Variants in NDRG4 observed in about 807,000 individuals in gnomAD.
The protein encoded by NDRG4 is NDRG family member 4.
NDRG4 carries 38 observed loss-of-function variants against 55.8 expected under a neutral mutation model. The observed-to-expected ratio is 0.68, with a 90% confidence interval of 0.53 to 0.89. NDRG4 has a LOEUF of 0.89. Among genes scored for constraint, NDRG4 ranks in the 40% least tolerant of loss-of-function variants. The pLI, the probability that NDRG4 is intolerant of heterozygous loss-of-function variation, is 0.00. For missense variants in NDRG4, 455 were observed against 468.6 expected, an observed-to-expected ratio of 0.97 and a Z score of 0.27; for synonymous variants, 190 against 182.7, an observed-to-expected ratio of 1.04 and a Z score of -0.32.
intron 2 of NDRG4, among the ~76,000 whole-genome samples, chr16:58,489,153 GC>G (rs1473006926): frequency 6.6e-6 from 1 of 151,998 alleles, no homozygotes; most frequent in Non-Finnish European, 1.5e-5. Flanking sequence ...ACAAAAATTA[GC>G]CCGGGCGTGG....
At chr16:58,498,020 C>T (rs181968817), upstream of NDRG4, among the ~76,000 whole-genome samples, 39 of 152,208 alleles carry the variant, frequency 2.6e-4, no homozygotes, top group Admixed American at 1.3e-3. Context: ...CTTAAACCCA[C>T]GTCTGTGGGT....
Position 58,511,974 on chromosome 16 carries a change from A to AGGCACTGGCGTGGG in NDRG4, c.*399_*412dup. 1 of 461,806 alleles carries AGGCACTGGCGTGGG rather than the reference A, an allele frequency of 2.2e-6. No individual in the cohort carries two copies. Among genetic ancestry groups the AGGCACTGGCGTGGG allele is most frequent in the South Asian group, 1.6e-5 (1 of 64,086 alleles). The allele number at this position is 461,806 out of a possible 1,614,324, so 28.6% of individuals were successfully genotyped here. ...GGCCACAGGGGTGCGGGGCCAGCTC[A>AGGCACTGGCGTGGG]GGCACTGGCGTGGGAGCCCTGGGAG... On this transcript the variant is annotated 3_prime_UTR_variant, in exon 15 of 15. Transcript: ENST00000570248.
rs2031092041 is a variant in NDRG4, at chr16:58,464,110, C to T, written c.-24+313C>T. The T allele has an allele frequency of 3.3e-6, 1 of 304,252 alleles. No individual in the cohort carries two copies. 18.8% of individuals were successfully genotyped at this position (304,252 alleles called of 1,614,324 possible). A position where few individuals can be genotyped will look rare whatever the true frequency, so the allele number is the denominator to read the frequency against. On this transcript the variant is annotated intron_variant, in intron 1 of 15. Transcript: ENST00000258187. This position sits in a 1 kb window ranked among gnomAD's most constrained non-coding sequence, Gnocchi z 4.8. Reference sequence around the variant, plus strand: ...GGGGTCTCTTTGTTCGGGCGGCGGGCACGGGGGACCACCTCCCACGGTGTC... The same window carrying T: ...GGGGTCTCTTTGTTCGGGCGGCGGGTACGGGGGACCACCTCCCACGGTGTC...
At chr16:58,514,237 G>A (rs963682669), downstream of NDRG4, among the ~76,000 whole-genome samples, 15 of 152,332 alleles carry the variant, frequency 9.8e-5, no homozygotes, top group African/African-American at 3.4e-4. Context: ...TACCGTGTTA[G>A]AGGAGCCTCA....
chr16:58,508,256 C>G (rs1251691663), intron 10 of NDRG4, among the ~76,000 whole-genome samples: 2 of 152,224 alleles, frequency 1.3e-5, no homozygotes, highest in African/African-American at 4.8e-5. Context: ...CCCCTCTTCC[C>G]TCCCCAGCAG....
At chr16:58,492,554 GAGAC>G (rs1555532333) in intron 2 of NDRG4, among the ~76,000 whole-genome samples, 6 of 139,744 alleles carry the variant, frequency 4.3e-5, no homozygotes, top group Non-Finnish European at 9.2e-5. Context: ...GTGTGTGTGA[GAGAC>G]AGACAGACAG....
chr16:58,498,420 C>T (rs2036650846), upstream of NDRG4, among the ~76,000 whole-genome samples: 2 of 152,158 alleles, frequency 1.3e-5, no homozygotes, highest in South Asian at 4.1e-4. Flanking sequence ...CAATAGTGTA[C>T]ATAGCAGGTG....
intron 4 of NDRG4, 79 bp from the exon 5 acceptor site, chr16:58,504,510 A>G: frequency 6.2e-7 from 1 of 1,611,164 alleles, no homozygotes; most frequent in Non-Finnish European, 8.5e-7. Context: ...GCTTCAGGCT[A>G]TGGGCAGGGC....
chr16:58,509,503 G>C, intron 13 of NDRG4, 151 bp downstream of exon 13: 1 of 763,740 alleles, frequency 1.3e-6, no homozygotes, highest in Non-Finnish European at 2.1e-6. Context: ...CTGGGCCCCG[G>C]ATGCTGGGCC....
At chr16:58,501,248 T>C (rs2037056903) in intron 1 of NDRG4, 3 of 406,246 alleles carry the variant, frequency 7.4e-6, no homozygotes, top group African/African-American at 2.0e-5. Context: ...CCCTGAATTA[T>C]TGATGCGGCT....
chr16:58,501,792 G>A (rs1239544150), intron 1 of NDRG4: 1 of 350,698 alleles, frequency 2.9e-6, no homozygotes, highest in African/African-American at 2.1e-5. Flanking sequence ...GCCACACCAG[G>A]GCTGGGAGAA....
intron 1 of NDRG4, among the ~76,000 whole-genome samples, chr16:58,477,783 G>T (rs1243497168): frequency 6.7e-6 from 1 of 149,654 alleles, no homozygotes; most frequent in East Asian, 1.9e-4. Context: ...GGGGGGTGGA[G>T]GGGGTGGGGA....
upstream of NDRG4, among the ~76,000 whole-genome samples, chr16:58,498,292 G>C (rs989416718): frequency 4.6e-5 from 7 of 152,150 alleles, no homozygotes; most frequent in East Asian, 9.7e-4. Context: ...GGGCCAGGGG[G>C]ACTCCCCATT....
rs544194526 is a variant in NDRG4, at chr16:58,476,025, G to C, written c.-23-11731G>C. 6.6e-5 allele frequency among the ~76,000 whole-genome samples: 10 copies of C among 152,268 alleles called. No homozygotes were observed. In the South Asian group the frequency reaches 1.7e-3, roughly 25 times the overall value. ...TTGGCCAGGCTGGTCTTGAACTCCT[G>C]ACCTCAAGTGATCCACCTGCCTCGG... On this transcript the variant is annotated intron_variant, in intron 1 of 15. Coordinates refer to the NDRG4 transcript ENST00000258187.
intron 1 of NDRG4, among the ~76,000 whole-genome samples, chr16:58,471,473 C>T (rs954548455): frequency 3.9e-5 from 6 of 151,908 alleles, no homozygotes; most frequent in African/African-American, 1.5e-4. Flanking sequence ...AGGGTAGTTG[C>T]GGGATCAGCT....
Position 58,512,777 on chromosome 16 carries a change from T to C in NDRG4, c.*1201T>C, listed in dbSNP as rs1354154627. The C allele has an allele frequency of 6.5e-6, 1 of 152,704 alleles. No homozygotes were observed. Among genetic ancestry groups the C allele is most frequent in the East Asian group, 1.9e-4 (1 of 5,200 alleles). 9.5% of individuals were successfully genotyped at this position (152,704 alleles called of 1,614,324 possible). A position where few individuals can be genotyped will look rare whatever the true frequency, so the allele number is the denominator to read the frequency against. On this transcript the variant is annotated 3_prime_UTR_variant, in exon 15 of 15. Transcript: ENST00000570248. The stretch of plus-strand genomic sequence containing the variant: ...TTGTATGCTTTCCATCCACTCACCT[T>C]ACCCCATAGCATCTTGCGGCCCAGA...
Position 58,511,567 on chromosome 16 carries a change from G to A in NDRG4, c.1050G>A (p.Val350=). ...GLGQVNHTME[V]SC ...GCCAGGTCAACCACACCATGGAGGT[G>A]TCCTGTTGAAGCCCTTGATCCCGCT... The change falls in exon 15 of 15, where the codon GTG becomes GTA. Residue 350 remains valine, a synonymous_variant. Transcript: ENST00000570248. 1 of 1,613,096 alleles carries A rather than the reference G, an allele frequency of 6.2e-7. No homozygotes were observed. Among genetic ancestry groups the A allele is most frequent in the East Asian group, 2.2e-5 (1 of 44,876 alleles).
upstream of NDRG4, chr16:58,499,766 C>T (rs914874275): frequency 1.4e-4 from 34 of 245,182 alleles, no homozygotes; most frequent in Non-Finnish European, 2.2e-4. Context: ...TGCCCTGCCC[C>T]GCATTGGTAA....
intron 8 of NDRG4, chr16:58,507,255 C>T: frequency 1.8e-6 from 1 of 548,824 alleles, no homozygotes. Flanking sequence ...TGGGGGCTTC[C>T]CGCTTGGGAA....
Sources: gnomAD v4.1 joint callset for allele counts (sites outside exome capture counted in the v4.1 genomes callset) on GRCh38, gnomAD v4.1.1 for gene constraint, Gnocchi (gnomAD v3.1) non-coding constraint, MANE v1.5 for transcripts, NCBI Gene and HGNC (gene_info 2026-07-23, HGNC 2026-07-21) for gene names.